Variants in FANCB observed in about 807,000 individuals in gnomAD.
The protein encoded by FANCB is FA complementation group B, also known as Fanconi anemia group B protein.
Under a neutral mutation model 38.9 loss-of-function variants are expected in FANCB, and 5 were observed. The observed-to-expected ratio is 0.13, with a 90% CI of 0.07 to 0.27. The LOEUF (loss-of-function observed/expected upper bound fraction) is 0.27, where lower values mean the gene tolerates loss of function less well. Ranked by LOEUF, FANCB falls within the 10% of genes least tolerant of loss-of-function variation. The pLI is 1.00. For synonymous variants in FANCB, 236 were observed against 215.4 expected (o/e 1.10, Z -0.84); for missense variants, 573 against 602.7 (o/e 0.95, Z 0.52).
chrX:14,743,502 G>A, the FANCB span, among the ~76,000 whole-genome samples: 3,768 of 109,715 alleles, frequency 0.034, 137 homozygotes, highest in African/African-American at 0.1. Flanking sequence ...TGGAAAAAAT[G>A]CTATATTACC....
the FANCB span, among the ~76,000 whole-genome samples, chrX:14,826,310 T>G: frequency 8.9e-6 from 1 of 112,017 alleles, no homozygotes; most frequent in African/African-American, 3.2e-5. Flanking sequence ...TTCCTTGGAC[T>G]AAGCCTGTTT....
At position 14,865,053 on chromosome X, in the gene FANCB, A is replaced by G. The variant is rs749099779; in HGVS notation, c.458T>C (p.Ile153Thr). 1 of 1,208,567 alleles carries G rather than the reference A, an allele frequency of 8.3e-7. No individual in the cohort carries two copies. The highest frequency in any genetic ancestry group is 1.8e-5 in the South Asian group (1 of 56,499). ...AACAACTTTGCCAGTTTGAGAAGAGATAAAGAAGAATGCTTTGACATGCCT... is the reference window on the plus strand; with the variant it reads ...AACAACTTTGCCAGTTTGAGAAGAGGTAAAGAAGAATGCTTTGACATGCCT... ...LWRHVKAFFF[I>T]SSQTGKVVSV... The change falls in exon 3 of 10, where the codon ATC (isoleucine) becomes ACC (threonine). Residue 153 changes from isoleucine (I) to threonine (T), a missense_variant. Ile to Thr is a moderately conservative substitution (Grantham distance 89). Coordinates refer to ENST00000650831, the MANE Select transcript of FANCB (RefSeq NM_001018113.3).
At chrX:14,759,060 A>G in the FANCB span, among the ~76,000 whole-genome samples, 1 of 112,104 alleles carries the variant, frequency 8.9e-6, no homozygotes, top group Admixed American at 9.5e-5. Flanking sequence ...ACACACTTAG[A>G]GAAATGCAAA....
chrX:14,771,596 T>C, the FANCB span, among the ~76,000 whole-genome samples: 3 of 111,795 alleles, frequency 2.7e-5, no homozygotes, highest in African/African-American at 9.8e-5. Flanking sequence ...TTTAGCTCAG[T>C]GTAGTTCGTT....
the FANCB span, among the ~76,000 whole-genome samples, chrX:14,719,182 G>A: frequency 6.5e-4 from 72 of 111,474 alleles, no homozygotes; most frequent in African/African-American, 2.3e-3. Flanking sequence ...TTATTTTCTG[G>A]GTAAGGGGAA....
At chrX:14,766,013 G>A in the FANCB span, among the ~76,000 whole-genome samples, 1 of 111,295 alleles carries the variant, frequency 9.0e-6, no homozygotes, top group Non-Finnish European at 1.9e-5. Flanking sequence ...TTGGTTGTCA[G>A]CACTAGGGGC....
the FANCB span, among the ~76,000 whole-genome samples, chrX:14,691,879 G>C: frequency 1.8e-5 from 2 of 112,277 alleles, no homozygotes; most frequent in Admixed American, 1.9e-4. Flanking sequence ...GAGAGAGAAA[G>C]ATTTTTCAAA....
At chrX:14,753,057 T>C in the FANCB span, among the ~76,000 whole-genome samples, 1 of 107,176 alleles carries the variant, frequency 9.3e-6, no homozygotes, top group South Asian at 4.4e-4. Context: ...AGAGATTACA[T>C]AAATCATGCC....
the FANCB span, among the ~76,000 whole-genome samples, chrX:14,738,256 C>A: frequency 8.9e-6 from 1 of 112,508 alleles, no homozygotes; most frequent in Non-Finnish European, 1.9e-5. Context: ...TTGAGTACCA[C>A]ATATGCTGGT....
the FANCB span, among the ~76,000 whole-genome samples, chrX:14,826,858 G>A: frequency 7.2e-5 from 8 of 111,633 alleles, no homozygotes; most frequent in African/African-American, 2.6e-4. Flanking sequence ...CTCTAAGTTA[G>A]TAAGAAAATT....
At chrX:14,770,848 C>T in the FANCB span, among the ~76,000 whole-genome samples, 1 of 111,868 alleles carries the variant, frequency 8.9e-6, no homozygotes, top group African/African-American at 3.3e-5. Flanking sequence ...ATTCCCTAAA[C>T]ATTTGCTTGT....
the FANCB span, among the ~76,000 whole-genome samples, chrX:14,795,329 A>G: frequency 1.2e-4 from 13 of 112,552 alleles, no homozygotes; most frequent in Non-Finnish European, 2.3e-4. Context: ...AAATTAATGC[A>G]TTCACTCATA....
At chrX:14,736,673 G>C in the FANCB span, among the ~76,000 whole-genome samples, 1 of 111,551 alleles carries the variant, frequency 9.0e-6, no homozygotes, top group Non-Finnish European at 1.9e-5. Flanking sequence ...GACTGGAGCT[G>C]TTCCTATTTG....
At chrX:14,834,789 T>G, downstream of FANCB, 1 of 572,471 alleles carries the variant, frequency 1.7e-6, no homozygotes, top group Non-Finnish European at 3.0e-6. Context: ...CACTGGTGCT[T>G]TTTCTTCAGT....
the FANCB span, among the ~76,000 whole-genome samples, chrX:14,816,063 A>G: frequency 6.3e-5 from 7 of 111,966 alleles, no homozygotes; most frequent in South Asian, 1.1e-3. Context: ...AATGTATACA[A>G]TGTACACTAT....
At chrX:14,782,142 A>C in the FANCB span, among the ~76,000 whole-genome samples, 1,566 of 112,251 alleles carry the variant, frequency 0.014, 26 homozygotes, top group African/African-American at 0.041. Flanking sequence ...AAGGGCATTA[A>C]GATAGACTCT....
At chrX:14,701,194 A>C in the FANCB span, among the ~76,000 whole-genome samples, 6 of 110,992 alleles carry the variant, frequency 5.4e-5, no homozygotes, top group African/African-American at 2.0e-4. Context: ...ATACATCACC[A>C]GGAACCCACA....
chrX:14,774,493 A>G, the FANCB span, among the ~76,000 whole-genome samples: 1 of 112,120 alleles, frequency 8.9e-6, no homozygotes, highest in South Asian at 3.7e-4. Flanking sequence ...ACAATTGGGT[A>G]GCCTTCTGGA....
chrX:14,830,884 T>G, the FANCB span, among the ~76,000 whole-genome samples: 1 of 112,769 alleles, frequency 8.9e-6, no homozygotes, highest in Non-Finnish European at 1.9e-5. Flanking sequence ...ACCAAATGTA[T>G]TCACTTTAAA....
Sources: allele counts gnomAD v4.1 joint callset (sites outside exome capture counted in the v4.1 genomes callset), GRCh38; gene constraint gnomAD v4.1.1; transcripts MANE v1.5; gene names NCBI Gene and HGNC (gene_info 2026-07-23, HGNC 2026-07-21).